Variants in CCN5 observed in about 807,000 individuals in gnomAD.
The protein encoded by CCN5 is cellular communication network factor 5, also known as CCN family member 5.
CCN5 carries 17 observed loss-of-function variants against 18.7 expected under a neutral mutation model. The observed-to-expected ratio is 0.91, with a 90% confidence interval of 0.62 to 1.36. The LOEUF (loss-of-function observed/expected upper bound fraction) is 1.36, where lower values mean the gene tolerates loss of function less well. Ranked by LOEUF, CCN5 falls within the 40% of genes most tolerant of loss-of-function variation. CCN5 has a pLI of 0.00. For missense variants in CCN5, 367 were observed against 342.9 expected (o/e 1.07, Z -0.56); for synonymous variants, 135 against 145.2 (o/e 0.93, Z 0.50).
At chr20:44,716,182 AGAG>A (rs1237480337) in intron 1 of CCN5, among the ~76,000 whole-genome samples, 1 of 152,232 alleles carries the variant, frequency 6.6e-6, no homozygotes, top group Non-Finnish European at 1.5e-5. Flanking sequence ...TCAGAGCAAT[AGAG>A]GAGAGCCATG....
At chr20:44,717,703 C>T (rs2065869012) in intron 1 of CCN5, among the ~76,000 whole-genome samples, 3 of 151,660 alleles carry the variant, frequency 2.0e-5, no homozygotes, top group South Asian at 2.1e-4. Flanking sequence ...GGTGAAACCC[C>T]GTCTCTACTA....
chr20:44,722,268 G>A (rs1600993281), intron 2 of CCN5, among the ~76,000 whole-genome samples: 2 of 152,128 alleles, frequency 1.3e-5, no homozygotes, highest in South Asian at 4.2e-4. Flanking sequence ...CTCGTTGAAC[G>A]CTCTTCTCTA....
chr20:44,719,030 T>C (rs551153054), intron 1 of CCN5, among the ~76,000 whole-genome samples: 9 of 152,216 alleles, frequency 5.9e-5, no homozygotes, highest in Non-Finnish European at 8.8e-5. Flanking sequence ...ATCCATGATA[T>C]GGTTCAATTT....
intron 2 of CCN5, chr20:44,721,176 T>A (rs2065897069): frequency 6.6e-6 from 1 of 152,030 alleles, no homozygotes; most frequent in African/African-American, 2.4e-5. Flanking sequence ...AGCTCATGAA[T>A]CATTGATAAT....
chr20:44,725,041 A>AGGC, intron 3 of CCN5, 49 bp downstream of exon 3: 1 of 1,471,736 alleles, frequency 6.8e-7, no homozygotes, highest in Admixed American at 2.7e-5. Context: ...TGGGGGCGCC[A>AGGC]AGGGCCACCT....
At chr20:44,720,188 G>A (rs746035379) in intron 2 of CCN5, 75 bp downstream of exon 2, 8 of 1,444,848 alleles carry the variant, frequency 5.5e-6, no homozygotes, top group Non-Finnish European at 6.6e-6. Context: ...GGATCAAAGT[G>A]CAGCCCTCCT....
intron 3 of CCN5, 152 bp from the exon 4 acceptor site, chr20:44,726,935 G>T: frequency 1.4e-6 from 1 of 699,114 alleles, no homozygotes; most frequent in Non-Finnish European, 2.3e-6. Flanking sequence ...TTTATTCAAT[G>T]CCATCCACTG....
At chr20:44,721,178 A>G (rs1041310077) in intron 2 of CCN5, 1 of 152,128 alleles carries the variant, frequency 6.6e-6, no homozygotes, top group African/African-American at 2.4e-5. Context: ...CTCATGAATC[A>G]TTGATAATGA....
Position 44,727,449 on chromosome 20 carries a change from C to A in CCN5, c.*142C>A, listed in dbSNP as rs1247881178. ...TAGCTTGGGTCCACCATGCAGAACA[C>A]CAATATTAACACGCTGCCTGGTCTG... On this transcript the variant is annotated 3_prime_UTR_variant, in exon 4 of 4. Coordinates refer to ENST00000190983, the MANE Select transcript of CCN5 (RefSeq NM_003881.4). 1 of 1,439,548 alleles carries A rather than the reference C, an allele frequency of 6.9e-7. No individual in the cohort carries two copies. The highest frequency in any genetic ancestry group is 2.6e-5 in the East Asian group (1 of 38,886). 89.2% of individuals were successfully genotyped at this position (1,439,548 alleles called of 1,614,324 possible).
At chr20:44,722,661 A>G (rs538208867) in intron 2 of CCN5, among the ~76,000 whole-genome samples, 2 of 151,880 alleles carry the variant, frequency 1.3e-5, no homozygotes, top group South Asian at 4.2e-4. Context: ...TTCAGTAGAG[A>G]CGGGGTTTCA....
In CCN5 at chr20:44,727,175, C is replaced by CCG; in HGVS notation, c.621_622insCG (p.Cys208ArgfsTer95). On this transcript the variant is annotated frameshift_variant, in exon 4 of 4. Transcript: ENST00000190983. LOFTEE classifies it low-confidence loss of function (END_TRUNC). ...CGGCCTGGGGACCCTGCTCGACCACCTGTGGGCTGGGCATGGCCACCCGGG... is the reference window on the plus strand; with the variant it reads ...CGGCCTGGGGACCCTGCTCGACCACCCGTGTGGGCTGGGCATGGCCACCCGGG... 6.2e-7 allele frequency: 1 copy of CCG among 1,614,020 alleles called. No individual in the cohort carries two copies. Among genetic ancestry groups the CCG allele is most frequent in the Non-Finnish European group, 8.5e-7 (1 of 1,180,030 alleles).
At chr20:44,715,095 C>CGT (rs1476459055), upstream of CCN5, 1 of 357,642 alleles carries the variant, frequency 2.8e-6, no homozygotes, top group African/African-American at 2.2e-5. Context: ...CACACACACG[C>CGT]GCACACACAC....
Position 44,724,833 on chromosome 20 carries a change from G to C in CCN5, c.373G>C (p.Asp125His). Residue 125 changes from aspartate to histidine, a missense_variant, in exon 3 of 4, where the codon GAC becomes CAC. Asp to His is a moderately conservative substitution (Grantham distance 81). Coordinates refer to ENST00000190983, the MANE Select transcript of CCN5 (RefSeq NM_003881.4). ...CTGCAGCATCCGCTGCCGCTGCGAG[G>C]ACGGCGGCTTCACCTGCGTGCCGCT... ...PHCSIRCRCE[D>H]GGFTCVPLCS... The C allele has an allele frequency of 6.2e-7, 1 of 1,605,604 alleles. No homozygotes were observed. The highest frequency in any genetic ancestry group is 8.5e-7 in the Non-Finnish European group (1 of 1,176,986).
Position 44,727,360 on chromosome 20 carries a change from G to C in CCN5, c.*53G>C, listed in dbSNP as rs1248647584. Reference sequence around the variant, plus strand: ...TCCACCATCCCCAGCTGGTGGCCCTGTGCCTGGGCCCTGGGCTGATGGAAG... The same window carrying C: ...TCCACCATCCCCAGCTGGTGGCCCTCTGCCTGGGCCCTGGGCTGATGGAAG... On this transcript the variant is annotated 3_prime_UTR_variant, in exon 4 of 4. Transcript: ENST00000190983. 10 of 1,553,128 alleles carry C rather than the reference G, an allele frequency of 6.4e-6. No homozygotes were observed. The highest frequency in any genetic ancestry group is 8.7e-6 in the Non-Finnish European group (10 of 1,146,592).
rs771737719 is a variant in CCN5 at position 44,727,255 on chromosome 20, C to T, written c.701C>T (p.Ser234Phe). 2 of 1,613,714 alleles carry T rather than the reference C, an allele frequency of 1.2e-6. No homozygotes were observed. The highest frequency in any genetic ancestry group is 4.5e-5 in the East Asian group (2 of 44,874). Residue 234 changes from serine (S) to phenylalanine (F), a missense_variant, in exon 4 of 4, where the codon TCC becomes TTC. By Grantham distance (155) the Ser-to-Phe change is radical. Coordinates refer to ENST00000190983, the MANE Select transcript of CCN5 (RefSeq NM_003881.4). ...GAGACCCAGCGCCGCCTGTGCCTGT[C>T]CAGGCCCTGCCCACCCTCCAGGGGT... ...RLETQRRLCL[S>F]RPCPPSRGRS...
chr20:44,718,608 T>C (rs930860405), intron 1 of CCN5, among the ~76,000 whole-genome samples: 5 of 152,206 alleles, frequency 3.3e-5, no homozygotes, highest in African/African-American at 1.2e-4. Flanking sequence ...CCACATGGGC[T>C]GATACCCTGA....
intron 1 of CCN5, 81 bp downstream of exon 1, chr20:44,715,531 C>A: frequency 6.9e-7 from 1 of 1,447,916 alleles, no homozygotes; most frequent in Non-Finnish European, 9.4e-7. Flanking sequence ...CAGCCAAGGA[C>A]CCCCTTGGCA....
chr20:44,723,191 T>G (rs1389220426), intron 2 of CCN5, among the ~76,000 whole-genome samples: 1 of 152,106 alleles, frequency 6.6e-6, no homozygotes, highest in African/African-American at 2.4e-5. Context: ...CTCAGGGCCT[T>G]TGCACTGGCT....
chr20:44,727,585 C>T lies in CCN5; in HGVS notation c.*278C>T. 8.1e-7 allele frequency: 1 copy of T among 1,238,390 alleles called. No individual in the cohort carries two copies. Among genetic ancestry groups the T allele is most frequent in the Non-Finnish European group, 1.0e-6 (1 of 965,382 alleles). 76.7% of individuals were successfully genotyped at this position (1,238,390 alleles called of 1,614,324 possible). On this transcript the variant is annotated 3_prime_UTR_variant, in exon 4 of 4. Transcript: ENST00000190983. ...GGTCCTCTAGCCCACTCCCTGCCTA[C>T]ACACACAGCCTATATCAAACATGCA...
Sources: allele counts gnomAD v4.1 joint callset (sites outside exome capture counted in the v4.1 genomes callset), GRCh38; gene constraint gnomAD v4.1.1; transcripts MANE v1.5; gene names NCBI Gene and HGNC (gene_info 2026-07-23, HGNC 2026-07-21).